Variants in GRM1 observed in about 807,000 individuals in gnomAD.
The protein encoded by GRM1 is metabotropic glutamate receptor 1.
GRM1 carries 33 observed loss-of-function variants against 90.9 expected under a neutral mutation model. The observed-to-expected ratio is 0.36, with a 90% CI of 0.28 to 0.49. GRM1 has a LOEUF of 0.49. Ranked by LOEUF, GRM1 falls within the 20% of genes least tolerant of loss-of-function variation. The pLI is 0.99. For missense variants in GRM1, 1,190 were observed against 1,534.3 expected (o/e 0.78, Z 3.75); for synonymous variants, 700 against 613.2 (o/e 1.14, Z -2.09).
At chr6:146,189,659 G>A (rs1778868650) in intron 2 of GRM1, among the ~76,000 whole-genome samples, 1 of 152,120 alleles carries the variant, frequency 6.6e-6, no homozygotes, top group African/African-American at 2.4e-5. Context: ...TGATTGCAGT[G>A]TTGTAATTAG....
intron 7 of GRM1, among the ~76,000 whole-genome samples, chr6:146,403,630 T>C (rs1047252621): frequency 6.6e-6 from 1 of 152,086 alleles, no homozygotes; most frequent in Non-Finnish European, 1.5e-5. Context: ...TGTCCACCAG[T>C]AGAAGCAAAT....
chr6:146,285,338 A>C (rs1782719654), intron 2 of GRM1, among the ~76,000 whole-genome samples: 1 of 152,110 alleles, frequency 6.6e-6, no homozygotes, highest in African/African-American at 2.4e-5. Flanking sequence ...CATCTACTCC[A>C]TCACCAAGTT....
intron 1 of GRM1, among the ~76,000 whole-genome samples, chr6:146,094,167 A>G (rs190850940): frequency 7.2e-5 from 11 of 152,270 alleles, no homozygotes; most frequent in Non-Finnish European, 1.3e-4. Flanking sequence ...ACCGTATTAA[A>G]TTAGGATTAA....
chr6:146,395,125 A>G (rs1016656610), intron 6 of GRM1, among the ~76,000 whole-genome samples: 6 of 152,116 alleles, frequency 3.9e-5, no homozygotes, highest in Non-Finnish European at 7.4e-5. Flanking sequence ...CATAGAGAGC[A>G]GAGACCTTTT....
intron 4 of GRM1, among the ~76,000 whole-genome samples, chr6:146,356,857 T>C (rs1322013232): frequency 2.6e-5 from 4 of 152,194 alleles, no homozygotes; most frequent in Non-Finnish European, 4.4e-5. Context: ...TATATAGTAA[T>C]GATTACTATA....
At chr6:146,247,607 C>T (rs1260988002) in intron 2 of GRM1, among the ~76,000 whole-genome samples, 2 of 151,430 alleles carry the variant, frequency 1.3e-5, no homozygotes, top group Admixed American at 6.6e-5. Context: ...AAATATTAGT[C>T]GAGCATGATG....
intron 2 of GRM1, among the ~76,000 whole-genome samples, chr6:146,251,143 G>T (rs1157395289): frequency 6.6e-6 from 1 of 151,980 alleles, no homozygotes; most frequent in Non-Finnish European, 1.5e-5. Context: ...TTTCTAAATG[G>T]GACCATTTAA....
At chr6:146,063,010 A>T (rs1038392768) in intron 1 of GRM1, among the ~76,000 whole-genome samples, 1 of 151,614 alleles carries the variant, frequency 6.6e-6, no homozygotes, top group African/African-American at 2.4e-5. Flanking sequence ...TTTCCTTCGC[A>T]TTCATCTTTG....
At chr6:146,086,988 A>T (rs180727445) in intron 1 of GRM1, among the ~76,000 whole-genome samples, 1 of 152,226 alleles carries the variant, frequency 6.6e-6, no homozygotes, top group East Asian at 1.9e-4. Flanking sequence ...AAAAATTCCC[A>T]TGTCAAAGAG....
At chr6:146,177,573 C>A (rs576378563) in intron 2 of GRM1, among the ~76,000 whole-genome samples, 2 of 152,194 alleles carry the variant, frequency 1.3e-5, no homozygotes, top group South Asian at 4.1e-4. Flanking sequence ...CTTTTTGAAG[C>A]TGGATAACTT....
Position 146,434,110 on chromosome 6 carries a change from C to T in GRM1, c.2899C>T (p.Arg967Cys). 4 of 1,614,120 alleles carry T rather than the reference C, an allele frequency of 2.5e-6. No individual in the cohort carries two copies. The highest frequency in any genetic ancestry group is 3.4e-6 in the Non-Finnish European group (4 of 1,179,994). ...VEEEEDAQPI[R>C]FSPPGSPSMV... ...GGAGGAGGAGGATGCCCAGCCGATTCGCTTTAGCCCGCCTGGTAGCCCTTC... is the reference window on the plus strand; with the variant it reads ...GGAGGAGGAGGATGCCCAGCCGATTTGCTTTAGCCCGCCTGGTAGCCCTTC... Residue 967 changes from arginine to cysteine, a missense_variant, in exon 8 of 8, where the codon CGC becomes TGC. Coordinates refer to ENST00000282753, the MANE Select transcript of GRM1 (RefSeq NM_001278064.2).
chr6:146,132,964 A>G (rs1776466588), intron 1 of GRM1, among the ~76,000 whole-genome samples: 1 of 152,234 alleles, frequency 6.6e-6, no homozygotes, highest in East Asian at 1.9e-4. Flanking sequence ...ATTGATTCAT[A>G]GGATGTAATA....
At chr6:146,033,332 A>G (rs1038566312) in intron 1 of GRM1, among the ~76,000 whole-genome samples, 6 of 152,286 alleles carry the variant, frequency 3.9e-5, no homozygotes, top group African/African-American at 1.4e-4. Flanking sequence ...TCAGCCAAGG[A>G]CACTATATTT....
Position 146,139,812 on chromosome 6 carries a change from T to C in GRM1, c.701-19536T>C, listed in dbSNP as rs80084327. ...TGTTTAGTCGACTTAACATTCAGTG[T>C]TATTACTGACAACTAAAAACCTACT... On this transcript the variant is annotated intron_variant, in intron 1 of 7. Transcript: ENST00000282753. Among the ~76,000 whole-genome samples, 22 of 152,198 alleles carry C rather than the reference T, an allele frequency of 1.4e-4. No individual in the cohort carries two copies. The East Asian group carries it at 4.3e-3, about 29-fold the overall frequency.
In GRM1 at chr6:146,433,226, A is replaced by T. The variant is rs543679553; in HGVS notation, c.2661-646A>T. On this transcript the variant is annotated intron_variant, in intron 7 of 7. Transcript: ENST00000282753. ...GAGAAATAATGCATTGAAATGTTTT[A>T]AAAAAATCAAAAGCTATGAAGCTCA... is the stretch of plus-strand genomic sequence containing the variant. Among the ~76,000 whole-genome samples the T allele has an allele frequency of 1.7e-3, 262 of 152,274 alleles. 1 individual carries two copies. Among genetic ancestry groups the T allele is most frequent in the African/African-American group, 5.7e-3 (237 of 41,570 alleles).
chr6:146,226,396 G>T (rs1780240118), intron 2 of GRM1, among the ~76,000 whole-genome samples: 1 of 152,104 alleles, frequency 6.6e-6, no homozygotes, highest in African/African-American at 2.4e-5. Context: ...ATGCCTTTTG[G>T]AGTGACTGTA....
At chr6:146,352,699 A>G (rs928745032) in intron 4 of GRM1, among the ~76,000 whole-genome samples, 13 of 152,074 alleles carry the variant, frequency 8.5e-5, no homozygotes, top group African/African-American at 2.9e-4. Flanking sequence ...TTCTTTTTCA[A>G]CACCCAATAC....
intron 3 of GRM1, among the ~76,000 whole-genome samples, chr6:146,325,159 A>G (rs377182870): frequency 7.2e-5 from 11 of 152,176 alleles, no homozygotes; most frequent in Non-Finnish European, 1.6e-4. Flanking sequence ...CCTGAGTTTC[A>G]TGTTTCCACT....
intron 1 of GRM1, among the ~76,000 whole-genome samples, chr6:146,047,738 C>T (rs1224476564): frequency 6.6e-6 from 1 of 152,008 alleles, no homozygotes; most frequent in Admixed American, 6.6e-5. Flanking sequence ...CAGTGTATTT[C>T]TCCATGGCAT....
Sources: gnomAD v4.1 joint callset for allele counts (sites outside exome capture counted in the v4.1 genomes callset) on GRCh38, gnomAD v4.1.1 for gene constraint, MANE v1.5 for transcripts, NCBI Gene and HGNC (gene_info 2026-07-23, HGNC 2026-07-21) for gene names.